TRPC5: variants seen among roughly 807,000 people sequenced by gnomAD.
TRPC5 encodes the protein transient receptor potential cation channel subfamily C member 5.
Under a neutral mutation model 56.5 loss-of-function variants are expected in TRPC5, and 9 were observed. That is an observed-to-expected ratio of 0.16 (90% CI 0.10 to 0.28). The LOEUF (loss-of-function observed/expected upper bound fraction) is 0.28, where lower values mean the gene tolerates loss of function less well. TRPC5 is among the 10% of genes least tolerant of loss of function. The pLI, the probability that TRPC5 is intolerant of heterozygous loss-of-function variation, is 1.00. For synonymous variants in TRPC5, 282 were observed against 278.5 expected, an observed-to-expected ratio of 1.01 and a Z score of -0.13; for missense variants, 469 against 748.9, an observed-to-expected ratio of 0.63 and a Z score of 4.36.
At chrX:112,014,777 G>A (rs1180014782) in intron 1 of TRPC5, among the ~76,000 whole-genome samples, 1 of 111,692 alleles carries the variant, frequency 9.0e-6, no homozygotes, top group African/African-American at 3.3e-5. Flanking sequence ...AAAGGTAAAA[G>A]ATCTCCAGAT....
intron 7 of TRPC5, among the ~76,000 whole-genome samples, chrX:111,818,626 A>G (rs1921935848): frequency 1.0e-5 from 1 of 99,022 alleles, no homozygotes; most frequent in Non-Finnish European, 2.0e-5. Context: ...TTTTTTTTAG[A>G]CAGAGTCTCG....
chrX:111,894,235 C>G (rs1924953145), intron 3 of TRPC5, among the ~76,000 whole-genome samples: 1 of 111,324 alleles, frequency 9.0e-6, no homozygotes, highest in African/African-American at 3.3e-5. Flanking sequence ...AAAGATAGAC[C>G]CAGAGGATTT....
At chrX:112,002,745 C>T (rs1928729653) in intron 1 of TRPC5, among the ~76,000 whole-genome samples, 2 of 111,646 alleles carry the variant, frequency 1.8e-5, no homozygotes, top group Admixed American at 1.9e-4. Context: ...TTAGAAGCAT[C>T]AAAAAGTAAA....
chrX:111,948,810 C>T (rs56747248), intron 2 of TRPC5, among the ~76,000 whole-genome samples: 1 of 110,931 alleles, frequency 9.0e-6, no homozygotes, highest in Non-Finnish European at 1.9e-5. Context: ...GACCTTTGTC[C>T]ACCTCCCTGT....
chrX:111,826,225 C>G (rs1922232638), intron 7 of TRPC5, among the ~76,000 whole-genome samples: 1 of 112,211 alleles, frequency 8.9e-6, no homozygotes, highest in Non-Finnish European at 1.9e-5. Flanking sequence ...TCATGTCAGA[C>G]TTTTCCCTCT....
chrX:111,786,965 T>C (rs1204364946), intron 7 of TRPC5, among the ~76,000 whole-genome samples: 1 of 111,169 alleles, frequency 9.0e-6, no homozygotes, highest in Non-Finnish European at 1.9e-5. Context: ...ACAATAATAA[T>C]GGGAGACTTT....
At chrX:112,020,573 A>T (rs1018224129) in intron 1 of TRPC5, among the ~76,000 whole-genome samples, 1 of 112,147 alleles carries the variant, frequency 8.9e-6, no homozygotes, top group Admixed American at 9.5e-5. Context: ...TTGTTTCTCC[A>T]GTGTTGACAG....
intron 1 of TRPC5, among the ~76,000 whole-genome samples, chrX:112,062,295 G>C (rs1409601735): frequency 9.0e-6 from 1 of 111,558 alleles, no homozygotes; most frequent in African/African-American, 3.3e-5. Flanking sequence ...AGGGAAGAAA[G>C]AAATACAGAA....
intron 1 of TRPC5, among the ~76,000 whole-genome samples, chrX:111,962,634 T>C (rs1451656277): frequency 8.9e-6 from 1 of 112,386 alleles, no homozygotes; most frequent in Non-Finnish European, 1.9e-5. Flanking sequence ...ATTGTTGAAA[T>C]GACACTAACA....
At chrX:111,806,132 C>A (rs1212887212) in intron 7 of TRPC5, among the ~76,000 whole-genome samples, 1 of 111,818 alleles carries the variant, frequency 8.9e-6, no homozygotes, top group Non-Finnish European at 1.9e-5. Context: ...TTGGGTTAAA[C>A]AAGGTACCTC....
At chrX:112,023,387 G>A (rs536254677) in intron 1 of TRPC5, among the ~76,000 whole-genome samples, 2 of 104,910 alleles carry the variant, frequency 1.9e-5, no homozygotes, top group Non-Finnish European at 3.9e-5. Context: ...CCAGCCTCTT[G>A]TGGGTTTCTC....
At chrX:112,033,127 C>G (rs894540504) in intron 1 of TRPC5, among the ~76,000 whole-genome samples, 1 of 102,202 alleles carries the variant, frequency 9.8e-6, no homozygotes, top group African/African-American at 3.6e-5. Flanking sequence ...GGACAGAAAA[C>G]CAAACACCGC....
Position 111,784,140 on chromosome X carries a change from C to G in TRPC5, c.1897-2002G>C, listed in dbSNP as rs145914436. Among the ~76,000 whole-genome samples the G allele has an allele frequency of 5.2e-3, 580 of 111,401 alleles. 2 individuals are homozygous for G. The highest frequency in any genetic ancestry group is 0.018 in the African/African-American group (536 of 30,611). ...TTAAACACCTACTTTATACCACGTACAAAACTCAAAATGGATCATAGACCT... is the reference window on the plus strand; with the variant it reads ...TTAAACACCTACTTTATACCACGTAGAAAACTCAAAATGGATCATAGACCT... On this transcript the variant is annotated intron_variant, in intron 7 of 10. Transcript: ENST00000262839.
chrX:111,829,361 A>G lies in TRPC5; in HGVS notation c.1896+5560T>C, dbSNP rs1005202762. On this transcript the variant is annotated intron_variant, in intron 7 of 10. Coordinates refer to ENST00000262839, the MANE Select transcript of TRPC5 (RefSeq NM_012471.3). ...ATTTGCAGCCTGAAAATGTGATAGA[A>G]AAGAAAAACCTATTTTCTGGGGAGA... is the stretch of plus-strand genomic sequence containing the variant. Among the ~76,000 whole-genome samples, 5 of 110,785 alleles carry G rather than the reference A, an allele frequency of 4.5e-5. No individual in the cohort carries two copies. The East Asian group carries it at 1.1e-3, about 25-fold the overall frequency.
In TRPC5 at chrX:111,790,928, C is replaced by T. The variant is rs189183980; in HGVS notation, c.1897-8790G>A. On this transcript the variant is annotated intron_variant, in intron 7 of 10. Coordinates refer to ENST00000262839, the MANE Select transcript of TRPC5 (RefSeq NM_012471.3). The stretch of plus-strand genomic sequence containing the variant: ...CCCAGCTGCTTGGGAGGCTGAGGCG[C>T]AGAATTGCTTGAACGCAGGAGGCAG... 4.1e-5 allele frequency among the ~76,000 whole-genome samples: 4 copies of T among 97,579 alleles called. No homozygotes were observed. The East Asian group carries it at 1.3e-3, about 33-fold the overall frequency. 84.7% of individuals were successfully genotyped at this position (97,579 alleles called of 115,157 possible). A position where few individuals can be genotyped will look rare whatever the true frequency, so the allele number is the denominator to read the frequency against.
Position 111,847,343 on chromosome X carries a change from A to G in TRPC5, c.1471T>C (p.Leu491=). 8.3e-7 allele frequency: 1 copy of G among 1,211,603 alleles called. No individual in the cohort carries two copies. Among genetic ancestry groups the G allele is most frequent in the Non-Finnish European group, 1.1e-6 (1 of 895,542 alleles). ...GCTGTGAACAGGGATATGAGACGCA[A>G]CGAACTTAAAATGTTGGATATTGCG... ...LFAISNILSS[L]RLISLFTANS... is the part of the protein sequence containing the mutation. The change falls in exon 6 of 11, where the codon TTG becomes CTG. Residue 491 remains leucine (L), a synonymous_variant. Transcript: ENST00000262839.
intron 7 of TRPC5, among the ~76,000 whole-genome samples, chrX:111,787,995 C>A (rs1310605649): frequency 8.9e-6 from 1 of 112,026 alleles, no homozygotes; most frequent in African/African-American, 3.3e-5. Flanking sequence ...CAAAGAGGAG[C>A]TGGTACCATT....
At chrX:112,022,899 G>A (rs1182063545) in intron 1 of TRPC5, among the ~76,000 whole-genome samples, 1 of 111,751 alleles carries the variant, frequency 8.9e-6, no homozygotes, top group Non-Finnish European at 1.9e-5. Context: ...GAAGCCCTCT[G>A]TTAAACTTGT....
intron 1 of TRPC5, among the ~76,000 whole-genome samples, chrX:112,054,971 T>C (rs1018523263): frequency 1.8e-5 from 2 of 111,526 alleles, no homozygotes; most frequent in Non-Finnish European, 3.8e-5. Flanking sequence ...GCCAGTCACA[T>C]GTCATGAACA....
Sources: gnomAD v4.1 joint callset for allele counts (sites outside exome capture counted in the v4.1 genomes callset) on GRCh38, gnomAD v4.1.1 for gene constraint, MANE v1.5 for transcripts, NCBI Gene and HGNC (gene_info 2026-07-23, HGNC 2026-07-21) for gene names.